FBN3: variants seen among roughly 807,000 people sequenced by gnomAD.
The protein encoded by FBN3 is fibrillin-3.
In FBN3, 234 loss-of-function variants were observed where a neutral mutation model predicts 330.1. The ratio of observed to expected loss-of-function variants is 0.71; its 90% CI spans 0.64 to 0.79. The LOEUF (loss-of-function observed/expected upper bound fraction) is 0.79, where lower values mean the gene tolerates loss of function less well. FBN3 is among the 30% of genes least tolerant of loss of function. FBN3 has a pLI of 0.00. For synonymous variants in FBN3, 1,458 were observed against 1,517.3 expected (o/e 0.96, Z 0.91); for missense variants, 3,606 against 3,886.9 (o/e 0.93, Z 1.92).
Position 8,136,395 on chromosome 19 carries a change from C to G in FBN3, c.1338G>C (p.Glu446Asp), listed in dbSNP as rs75077069. The part of the protein sequence containing the change: ...NVGYTQDVRG[E>D]CIDVDECTSS... Reference sequence around the variant, plus strand: ...CACCTGGCCGCGGCTCACCAATGCACTCGCCGCGCACGTCCTGGGTGTAGC... The same window carrying G: ...CACCTGGCCGCGGCTCACCAATGCAGTCGCCGCGCACGTCCTGGGTGTAGC... The change falls in exon 11 of 64, where the codon GAG (glutamate) becomes GAC (aspartate). Residue 446 changes from glutamate (E) to aspartate (D), a missense_variant. Physicochemically the swap from Glu to Asp is conservative, Grantham distance 45. Coordinates refer to ENST00000600128, the MANE Select transcript of FBN3 (RefSeq NM_032447.5). The G allele has an allele frequency of 6.2e-7, 1 of 1,613,802 alleles. No homozygotes were observed. Among genetic ancestry groups the G allele is most frequent in the East Asian group, 2.2e-5 (1 of 44,868 alleles).
chr19:8,123,129 G>A (rs962340757), intron 24 of FBN3, among the ~76,000 whole-genome samples: 4 of 151,822 alleles, frequency 2.6e-5, no homozygotes, highest in South Asian at 4.2e-4. Flanking sequence ...CGAGGTGGGC[G>A]GATCACCTGA....
chr19:8,086,174 C>T, intron 55 of FBN3, 26 bp downstream of exon 55: 3 of 1,478,400 alleles, frequency 2.0e-6, no homozygotes, highest in Non-Finnish European at 2.7e-6. Context: ...TGGTTGCAAC[C>T]ACTGTGCGTG....
At chr19:8,074,724 GCATCCATAGCAGA>G (rs1222207455) in intron 61 of FBN3, 2 of 225,222 alleles carry the variant, frequency 8.9e-6, no homozygotes, top group South Asian at 2.2e-4. Flanking sequence ...GCCCCTTGCA[GCATCCATAGCAGA>G]CATCACTAAT....
intron 13 of FBN3, 25 bp downstream of exon 13, chr19:8,135,936 G>GAGCCCCCCCCC: frequency 1.5e-6 from 1 of 668,778 alleles, no homozygotes; most frequent in South Asian, 1.6e-5. Context: ...GGAAGCCCCT[G>GAGCCCCCCCCC]CCCACCCGCC....
chr19:8,089,341 GTGAA>G (rs1349293780), intron 51 of FBN3, among the ~76,000 whole-genome samples, 200 bp downstream of exon 51: 2 of 152,216 alleles, frequency 1.3e-5, no homozygotes, highest in Admixed American at 6.5e-5. Context: ...AAGTGAGTGA[GTGAA>G]TGAATGAGCA....
chr19:8,133,982 T>C (rs1410139115), intron 13 of FBN3, among the ~76,000 whole-genome samples: 1 of 150,628 alleles, frequency 6.6e-6, no homozygotes, highest in Non-Finnish European at 1.5e-5. Flanking sequence ...ATCCCAGCAC[T>C]TTGGGAGGCC....
rs144956618 is a variant in FBN3 at position 8,109,745 on chromosome 19, C to A, written c.4342G>T (p.Glu1448Ter). The A allele has an allele frequency of 6.6e-7, 1 of 1,515,676 alleles. No individual in the cohort carries two copies. The highest frequency in any genetic ancestry group is 8.8e-7 in the Non-Finnish European group (1 of 1,131,686). The allele number at this position is 1,515,676 out of a possible 1,614,324, so 93.9% of individuals were successfully genotyped here. A position where few individuals can be genotyped will look rare whatever the true frequency, so the allele number is the denominator to read the frequency against. Residue 1448 changes from glutamate (E) to a stop codon, truncating the protein, a stop_gained, in exon 35 of 64, where the codon GAG (glutamate) becomes TAG (stop). Coordinates refer to ENST00000600128, the MANE Select transcript of FBN3 (RefSeq NM_032447.5). LOFTEE classifies it high-confidence loss of function. The surrounding 1 kb of genome is among the most constrained non-coding windows in gnomAD (Gnocchi z 5.2). ...ATGCAGTTTACTGGGTCTGCACACT[C>A]GTTGATGTCTGTAGGGAGGAAGCGC... Reference protein sequence around the residue: ...RGGGNCTDINECADPVNCING... With the variant: ...RGGGNCTDIN
rs533348404 is a variant in FBN3, at chr19:8,082,049, C to T, written c.7214-569G>A. Among the ~76,000 whole-genome samples the T allele has an allele frequency of 1.6e-3, 236 of 152,218 alleles. 2 individuals carry two copies. The highest frequency in any genetic ancestry group is 6.8e-3 in the Middle Eastern group (2 of 294). ...CGCAATCTCAGCTCACTGCACCCTC[C>T]GCCTCCCAGGTTCAAACAATTCTCC... On this transcript the variant is annotated intron_variant, in intron 57 of 63. Coordinates refer to ENST00000600128, the MANE Select transcript of FBN3 (RefSeq NM_032447.5).
chr19:8,082,306 TCC>T (rs144461028), intron 57 of FBN3, among the ~76,000 whole-genome samples: 3 of 126,978 alleles, frequency 2.4e-5, no homozygotes, highest in Non-Finnish European at 5.2e-5. Context: ...TCTCTCTTTC[TCC>T]CTTTCTCTTT....
intron 8 of FBN3, among the ~76,000 whole-genome samples, chr19:8,139,584 T>C (rs2083365565): frequency 6.6e-6 from 1 of 151,744 alleles, no homozygotes; most frequent in African/African-American, 2.4e-5. Context: ...TCAGGCATTA[T>C]GCAGAAGCCT....
Position 8,129,281 on chromosome 19 carries a change from T to G in FBN3, c.2129A>C (p.Asn710Thr). ...TGAGGCACCTGCCTCATAACCCAGGTTGCAGACACAGCGGTAGCTGCCCCG... is the reference window on the plus strand; with the variant it reads ...TGAGGCACCTGCCTCATAACCCAGGGTGCAGACACAGCGGTAGCTGCCCCG... ...NLRGSYRCVC[N>T]LGYEAGASGK... is the part of the protein sequence containing the mutation. The change falls in exon 17 of 64, where the codon AAC becomes ACC. Residue 710 changes from asparagine (N) to threonine (T), a missense_variant. Asn to Thr is a moderately conservative substitution (Grantham distance 65). Transcript: ENST00000600128. This position sits in a 1 kb window ranked among gnomAD's most constrained non-coding sequence, Gnocchi z 4.5. 1.2e-6 allele frequency: 2 copies of G among 1,614,154 alleles called. No individual in the cohort carries two copies. The highest frequency in any genetic ancestry group is 2.2e-5 in the South Asian group (2 of 91,084).
chr19:8,143,795 TTTTCTTTCTTTC>T (rs146473687), intron 6 of FBN3, among the ~76,000 whole-genome samples: 1 of 139,960 alleles, frequency 7.1e-6, no homozygotes, highest in Non-Finnish European at 1.5e-5. Flanking sequence ...GCCTGGCCTC[TTTTCTTTCTTTC>T]TTTCTTTCTT....
intron 63 of FBN3, among the ~76,000 whole-genome samples, chr19:8,070,982 A>G (rs1474519160): frequency 6.7e-6 from 1 of 149,836 alleles, no homozygotes; most frequent in African/African-American, 2.5e-5. Flanking sequence ...AGATCACGCC[A>G]TTGCATTCCA....
Position 8,123,502 on chromosome 19 carries a change from C to A in FBN3, c.3044G>T (p.Gly1015Val). 2 of 1,614,106 alleles carry A rather than the reference C, an allele frequency of 1.2e-6. No homozygotes were observed. Among genetic ancestry groups the A allele is most frequent in the Non-Finnish European group, 1.7e-6 (2 of 1,179,984 alleles). Residue 1015 changes from glycine to valine, a missense_variant, in exon 24 of 64, where the codon GGG (glycine) becomes GTG (valine). Physicochemically the swap from Gly to Val is moderately radical, Grantham distance 109. Transcript: ENST00000600128. ...TVGSFHCACA[G>V]GFALDAQERN... ...TTCCTGGGCATCCAGGGCGAAGCCC[C>A]CCGCACAGGCGCAGTGGAAGCTGCC...
Position 8,129,335 on chromosome 19 carries a change from AC to A in FBN3, c.2074del (p.Val692PhefsTer85). The A allele has an allele frequency of 6.2e-7, 1 of 1,614,088 alleles. No individual in the cohort carries two copies. The highest frequency in any genetic ancestry group is 8.5e-7 in the Non-Finnish European group (1 of 1,180,008). The stretch of plus-strand genomic sequence containing the variant: ...GTTCTCGCACACGCCATTGGCACAA[AC>A]CTCAGGATCCAGAGCACACTCGTTG... Reference protein sequence around the residue: ...DINECALDPEVCANGVCENLR... With the variant: ...DINECALDPEXCANGVCENLR... On this transcript the variant is annotated frameshift_variant, in exon 17 of 64. Coordinates refer to ENST00000600128, the MANE Select transcript of FBN3 (RefSeq NM_032447.5). LOFTEE classifies it high-confidence loss of function. This position sits in a 1 kb window ranked among gnomAD's most constrained non-coding sequence, Gnocchi z 4.5.
chr19:8,101,901 G>A (rs762074795), intron 40 of FBN3, among the ~76,000 whole-genome samples: 18 of 152,318 alleles, frequency 1.2e-4, no homozygotes, highest in Middle Eastern at 3.4e-3. Flanking sequence ...CATACATGGG[G>A]ACTGACACAG....
rs776066910 is a variant in FBN3, at chr19:8,124,038, C to T, written c.2732-30G>A. On this transcript the variant is annotated intron_variant, in intron 22 of 63. Coordinates refer to ENST00000600128, the MANE Select transcript of FBN3 (RefSeq NM_032447.5). The stretch of plus-strand genomic sequence containing the variant: ...ACGGGGGACAGTCACTGCGTCCCCA[C>T]CCCTGCCACACTGTGCCCACTGCGG... The T allele has an allele frequency of 5.8e-5, 90 of 1,561,486 alleles. No homozygotes were observed. In the East Asian group the frequency reaches 2.0e-3, roughly 35 times the overall value.
rs138319120 is a variant in FBN3, at chr19:8,141,831, A to G, written c.751T>C (p.Cys251Arg). The change falls in exon 8 of 64, where the codon TGC (cysteine) becomes CGC (arginine). Residue 251 changes from cysteine (C) to arginine (R), a missense_variant. By Grantham distance (180) the Cys-to-Arg change is radical. Transcript: ENST00000600128. Reference protein sequence around the residue: ...HTGACQDVDECQAVPGLCQGG... With the variant: ...HTGACQDVDERQAVPGLCQGG... ...TGGCACAGGCCTGGCACAGCCTGGC[A>G]CTCATCCACATCTGCAAGGACAAAG... 63 of 1,614,046 alleles carry G rather than the reference A, an allele frequency of 3.9e-5. No individual in the cohort carries two copies. Among genetic ancestry groups the G allele is most frequent in the Middle Eastern group, 1.6e-4 (1 of 6,082 alleles).
intron 31 of FBN3, 97 bp from the exon 32 acceptor site, chr19:8,111,867 C>T: frequency 4.1e-6 from 6 of 1,465,460 alleles, no homozygotes; most frequent in Non-Finnish European, 9.3e-7. Context: ...CCCTGACTGC[C>T]CCCCTGCAGA....
Sources: gnomAD v4.1 joint callset for allele counts (sites outside exome capture counted in the v4.1 genomes callset) on GRCh38, gnomAD v4.1.1 for gene constraint, Gnocchi (gnomAD v3.1) non-coding constraint, MANE v1.5 for transcripts, NCBI Gene and HGNC (gene_info 2026-07-23, HGNC 2026-07-21) for gene names.